Variants in KREMEN1 observed in about 807,000 individuals in gnomAD.
The protein encoded by KREMEN1 is kremen protein 1.
KREMEN1 carries 30 observed loss-of-function variants against 46.5 expected under a neutral mutation model. The observed-to-expected ratio is 0.65, with a 90% CI of 0.48 to 0.88. The LOEUF (loss-of-function observed/expected upper bound fraction) is 0.88. KREMEN1 is among the 40% of genes least tolerant of loss of function. The pLI, the probability that KREMEN1 is intolerant of heterozygous loss-of-function variation, is 0.00. For synonymous variants in KREMEN1, 214 were observed against 230.6 expected, an observed-to-expected ratio of 0.93 and a Z score of 0.65; for missense variants, 533 against 596.9, an observed-to-expected ratio of 0.89 and a Z score of 1.11.
rs549555103 is a variant in KREMEN1 at position 29,123,248 on chromosome 22, G to T, written c.477+1767G>T. Reference sequence around the variant, plus strand: ...AATGTAAAGATCTTGCTCTGTGAAAGATATTTTTAACAGGATGAAAAGACA... The same window carrying T: ...AATGTAAAGATCTTGCTCTGTGAAATATATTTTTAACAGGATGAAAAGACA... On this transcript the variant is annotated intron_variant, in intron 4 of 8. Transcript: ENST00000400335. Among the ~76,000 whole-genome samples the T allele has an allele frequency of 9.3e-5, 14 of 150,772 alleles. No homozygotes were observed. The East Asian group carries it at 1.8e-3, about 19-fold the overall frequency.
rs371631130 is a variant in KREMEN1, at chr22:29,098,914, G to T, written c.313G>T (p.Gly105Cys). 3.1e-6 allele frequency: 5 copies of T among 1,613,948 alleles called. No individual in the cohort carries two copies. The Admixed American group carries it at 6.7e-5, about 22-fold the overall frequency. The change falls in exon 3 of 9, where the codon GGT becomes TGT. Residue 105 changes from glycine to cysteine, a missense_variant. Coordinates refer to ENST00000400335, the MANE Select transcript of KREMEN1 (RefSeq NM_001039570.3). ...GTGCTATGTGGCAGAGCACGAGGAT[G>T]GTGTCTACTGGAAGTACTGTGAGAT... ...PWCYVAEHED[G>C]VYWKYCEIPA...
At chr22:29,124,253 C>T (rs1383954876) in intron 4 of KREMEN1, among the ~76,000 whole-genome samples, 3 of 152,056 alleles carry the variant, frequency 2.0e-5, no homozygotes, top group Non-Finnish European at 4.4e-5. Flanking sequence ...ATACAAACAC[C>T]AATTTGGATG....
intron 4 of KREMEN1, 143 bp downstream of exon 4, chr22:29,121,624 C>A: frequency 2.1e-6 from 2 of 963,558 alleles, no homozygotes; most frequent in South Asian, 1.7e-5. Flanking sequence ...CATGAATTGT[C>A]TAGAATAGGC....
rs569965720 is a variant in KREMEN1 at position 29,079,729 on chromosome 22, A to G, written c.97+6502A>G. 6.9e-3 allele frequency among the ~76,000 whole-genome samples: 1,048 copies of G among 152,388 alleles called. 9 individuals are homozygous for G. The highest frequency in any genetic ancestry group is 0.012 in the Non-Finnish European group (789 of 68,044). ...AGAGCGGCTGTAGCTATCAGCGTGT[A>G]TGATTGACTCTGCGTGGTTTCTTCA... On this transcript the variant is annotated intron_variant, in intron 1 of 8. Coordinates refer to ENST00000400335, the MANE Select transcript of KREMEN1 (RefSeq NM_001039570.3).
chr22:29,083,983 A>G (rs533725931), intron 1 of KREMEN1, among the ~76,000 whole-genome samples: 108 of 152,288 alleles, frequency 7.1e-4, no homozygotes, highest in African/African-American at 2.6e-3. Flanking sequence ...TCTTGACCAT[A>G]TGCTAAACAA....
downstream of KREMEN1, among the ~76,000 whole-genome samples, chr22:29,147,274 T>C (rs910972361): frequency 6.6e-6 from 1 of 152,200 alleles, no homozygotes; most frequent in Middle Eastern, 3.2e-3. Flanking sequence ...TGACCTTGCC[T>C]CTCAGAGCAA....
intron 5 of KREMEN1, among the ~76,000 whole-genome samples, chr22:29,130,266 T>C (rs934219371): frequency 1.3e-5 from 2 of 152,162 alleles, no homozygotes; most frequent in East Asian, 3.9e-4. Context: ...ACCTTTATTT[T>C]AGTGGGAAGG....
chr22:29,142,511 C>T lies in KREMEN1; in HGVS notation c.*399C>T, dbSNP rs965684002. ...TAGTTACATTGAATTTTTCTTGCTT[C>T]TCTATTTTTGTCCACACACAAATCA... On this transcript the variant is annotated 3_prime_UTR_variant, in exon 9 of 9. Transcript: ENST00000400335. 8 of 993,386 alleles carry T rather than the reference C, an allele frequency of 8.1e-6. No individual in the cohort carries two copies. Among genetic ancestry groups the T allele is most frequent in the Admixed American group, 6.1e-5 (1 of 16,516 alleles). 61.5% of individuals were successfully genotyped at this position (993,386 alleles called of 1,614,324 possible). A position where few individuals can be genotyped will look rare whatever the true frequency, so the allele number is the denominator to read the frequency against.
At chr22:29,151,874 G>A (rs939030028) in intron 9 of KREMEN1, among the ~76,000 whole-genome samples, 9 of 152,044 alleles carry the variant, frequency 5.9e-5, no homozygotes, top group African/African-American at 1.7e-4. Context: ...GCCAGGTGTG[G>A]TAGCACATGC....
chr22:29,125,074 G>A, intron 4 of KREMEN1, 189 bp from the exon 5 acceptor site: 2 of 614,200 alleles, frequency 3.3e-6, no homozygotes, highest in Non-Finnish European at 5.8e-6. Flanking sequence ...GAAACACATT[G>A]GTGGTTGCGT....
intron 5 of KREMEN1, among the ~76,000 whole-genome samples, chr22:29,131,728 G>GTA (rs1250560816): frequency 7.5e-6 from 1 of 133,810 alleles, no homozygotes; most frequent in African/African-American, 3.1e-5. Flanking sequence ...GTATATATAT[G>GTA]TATATATGTG....
intron 9 of KREMEN1, among the ~76,000 whole-genome samples, chr22:29,159,021 G>A (rs1333813856): frequency 6.6e-6 from 1 of 151,836 alleles, no homozygotes; most frequent in Non-Finnish European, 1.5e-5. Context: ...GTTTCTCCAT[G>A]TTGGCCAGAG....
chr22:29,143,729 A>G lies in KREMEN1; in HGVS notation c.*1617A>G, dbSNP rs558879785. 3.3e-5 allele frequency: 32 copies of G among 980,714 alleles called. 1 individual carries two copies. In the African/African-American group the frequency reaches 3.9e-4, roughly 12 times the overall value. 60.8% of individuals were successfully genotyped at this position (980,714 alleles called of 1,614,324 possible). On this transcript the variant is annotated 3_prime_UTR_variant, in exon 9 of 9. Transcript: ENST00000400335. Reference sequence around the variant, plus strand: ...TGCACTCCAGCCTGGGTGACAGTGCAAGACTCTGTCTCAAAAAAAAAAAAA... The same window carrying G: ...TGCACTCCAGCCTGGGTGACAGTGCGAGACTCTGTCTCAAAAAAAAAAAAA...
chr22:29,122,652 C>T (rs1345033554), intron 4 of KREMEN1, among the ~76,000 whole-genome samples: 2 of 152,004 alleles, frequency 1.3e-5, no homozygotes, highest in Non-Finnish European at 2.9e-5. Context: ...CATATTAAGA[C>T]CTACTGGCTG....
At chr22:29,094,609 ACACAC>A (rs2037853452) in intron 2 of KREMEN1, among the ~76,000 whole-genome samples, 189 bp downstream of exon 2, 1 of 116,866 alleles carries the variant, frequency 8.6e-6, no homozygotes, top group East Asian at 2.5e-4. Flanking sequence ...ACACACACAC[ACACAC>A]AATTTACCAC....
chr22:29,142,389 G>T lies in KREMEN1; in HGVS notation c.*277G>T. 1 of 1,126,258 alleles carries T rather than the reference G, an allele frequency of 8.9e-7. No individual in the cohort carries two copies. The highest frequency in any genetic ancestry group is 1.1e-6 in the Non-Finnish European group (1 of 920,876). The allele number at this position is 1,126,258 out of a possible 1,614,324, so 69.8% of individuals were successfully genotyped here. A position where few individuals can be genotyped will look rare whatever the true frequency, so the allele number is the denominator to read the frequency against. On this transcript the variant is annotated 3_prime_UTR_variant, in exon 9 of 9. Coordinates refer to ENST00000400335, the MANE Select transcript of KREMEN1 (RefSeq NM_001039570.3). ...ATCTCTCTCTGATCTAGCTAGCAGT[G>T]GGGGTGTCAGGACAGTGAGGCTGAG...
chr22:29,160,399 G>A (rs2039000586), intron 9 of KREMEN1, among the ~76,000 whole-genome samples: 1 of 150,070 alleles, frequency 6.7e-6, no homozygotes, highest in Non-Finnish European at 1.5e-5. Context: ...AATTAGCTAA[G>A]CATGGTGGCA....
intron 2 of KREMEN1, among the ~76,000 whole-genome samples, chr22:29,096,350 G>C (rs953878795): frequency 1.3e-5 from 2 of 152,186 alleles, no homozygotes; most frequent in Non-Finnish European, 2.9e-5. Context: ...AAGAGCTCAT[G>C]TTTTTAAGTC....
Position 29,143,052 on chromosome 22 carries a change from A to T in KREMEN1, c.*940A>T. The T allele has an allele frequency of 2.0e-6, 1 of 496,386 alleles. No homozygotes were observed. The allele number at this position is 496,386 out of a possible 1,614,324, so 30.7% of individuals were successfully genotyped here. A position where few individuals can be genotyped will look rare whatever the true frequency, so the allele number is the denominator to read the frequency against. Reference sequence around the variant, plus strand: ...GTAATCCCAGCTACTCAGAAGGCTGAGACAGAAGAACAGCTTGAACCCAGG... The same window carrying T: ...GTAATCCCAGCTACTCAGAAGGCTGTGACAGAAGAACAGCTTGAACCCAGG... On this transcript the variant is annotated 3_prime_UTR_variant, in exon 9 of 9. Coordinates refer to ENST00000400335, the MANE Select transcript of KREMEN1 (RefSeq NM_001039570.3).
Sources: gnomAD v4.1 joint callset for allele counts (sites outside exome capture counted in the v4.1 genomes callset) on GRCh38, gnomAD v4.1.1 for gene constraint, MANE v1.5 for transcripts, NCBI Gene and HGNC (gene_info 2026-07-23, HGNC 2026-07-21) for gene names.